The following ZNF276 variants were observed in gnomAD, a reference collection of about 807,000 sequenced individuals.
ZNF276 encodes zinc finger protein 276, also known as centromere protein Z.
A neutral mutation model predicts 63.9 loss-of-function variants in ZNF276; 59 were observed. That is an observed-to-expected ratio of 0.92 (90% CI 0.75 to 1.15). The LOEUF is 1.15. ZNF276 is among the 50% of genes most tolerant of loss of function. ZNF276 has a pLI of 0.00. For synonymous variants in ZNF276, 496 were observed against 348.4 expected, an observed-to-expected ratio of 1.42 and a Z score of -4.72; for missense variants, 1,084 against 843.8, an observed-to-expected ratio of 1.28 and a Z score of -3.53.
chr16:89,739,454 G>C lies in ZNF276; in HGVS notation c.*1208G>C, dbSNP rs2062066444. Reference sequence around the variant, plus strand: ...GGTCTGGGAAACACTGCCCAGCCCTGACCAGCCCTGTGGGTGGAGGTACCT... The same window carrying C: ...GGTCTGGGAAACACTGCCCAGCCCTCACCAGCCCTGTGGGTGGAGGTACCT... On this transcript the variant is annotated 3_prime_UTR_variant, in exon 11 of 11. Coordinates refer to ENST00000443381, the MANE Select transcript of ZNF276 (RefSeq NM_001113525.2). 1 of 1,552,126 alleles carries C rather than the reference G, an allele frequency of 6.4e-7. No homozygotes were observed. Among genetic ancestry groups the C allele is most frequent in the Non-Finnish European group, 8.7e-7 (1 of 1,147,858 alleles).
In ZNF276 at chr16:89,721,740, C is replaced by G; in HGVS notation, c.100C>G (p.Pro34Ala). 7.5e-7 allele frequency: 1 copy of G among 1,336,792 alleles called. No individual in the cohort carries two copies. Among genetic ancestry groups the G allele is most frequent in the South Asian group, 1.8e-5 (1 of 54,724 alleles). The allele number at this position is 1,336,792 out of a possible 1,614,324, so 82.8% of individuals were successfully genotyped here. ...CGGCGTCAGCCGGACTCGGGGCCGC[C>G]CTTCCCTTAGCGGTGGGCCGAGGGT... ...GGGVSRTRGR[P>A]SLSGGPRVDG... is the part of the protein sequence containing the mutation. Residue 34 changes from proline to alanine, a missense_variant, in exon 1 of 11, where the codon CCT becomes GCT. Transcript: ENST00000443381.
chr16:89,738,952 G>A lies in ZNF276; in HGVS notation c.*706G>A, dbSNP rs1235758124. 1 of 1,614,258 alleles carries A rather than the reference G, an allele frequency of 6.2e-7. No homozygotes were observed. Among genetic ancestry groups the A allele is most frequent in the Non-Finnish European group, 8.5e-7 (1 of 1,180,042 alleles). ...CTGCAGCAGAAAAAGACGAGCTTTT[G>A]TTATCAGTTCCACGGGGTTGCCCTA... is the stretch of plus-strand genomic sequence containing the variant. On this transcript the variant is annotated 3_prime_UTR_variant, in exon 11 of 11. Transcript: ENST00000443381.
chr16:89,738,205 G>C lies in ZNF276; in HGVS notation c.1804G>C (p.Val602Leu). The C allele has an allele frequency of 1.2e-6, 2 of 1,611,286 alleles. No individual in the cohort carries two copies. Among genetic ancestry groups the C allele is most frequent in the Non-Finnish European group, 1.7e-6 (2 of 1,179,156 alleles). ...EPPPGPPSPSVTTEGQAVKPE... is the reference protein window; with the variant it reads ...EPPPGPPSPSLTTEGQAVKPE... ...ACCACCTGGGCCACCGAGCCCCTCT[G>C]TGACCACAGAGGGCCAGGCGGTGAA... Residue 602 changes from valine to leucine, a missense_variant, in exon 11 of 11, where the codon GTG becomes CTG. Coordinates refer to ENST00000443381, the MANE Select transcript of ZNF276 (RefSeq NM_001113525.2).
rs1491268061 is a variant in ZNF276, at chr16:89,733,299, CAG to C, written c.1170_1171del. Reference sequence around the variant, plus strand: ...ATTGAATTTGGGAACCTCTTTTTTTCAGAGTCTCTGGTAAGAAGAGTGAAAGC... The same window carrying C: ...ATTGAATTTGGGAACCTCTTTTTTTCAGTCTCTGGTAAGAAGAGTGAAAGC... On this transcript the variant is annotated splice_acceptor_variant, in intron 6 of 10. Transcript: ENST00000443381. LOFTEE classifies it high-confidence loss of function. The C allele has an allele frequency of 8.1e-6, 13 of 1,604,890 alleles. No homozygotes were observed. Among genetic ancestry groups the C allele is most frequent in the African/African-American group, 2.7e-5 (2 of 73,810 alleles).
At chr16:89,734,888 G>A (rs989006010) in intron 9 of ZNF276, among the ~76,000 whole-genome samples, 6 of 152,200 alleles carry the variant, frequency 3.9e-5, no homozygotes, top group African/African-American at 9.7e-5. Flanking sequence ...GCCGGGCGTG[G>A]TGGCTCACAC....
Position 89,738,774 on chromosome 16 carries a change from T to G in ZNF276, c.*528T>G, listed in dbSNP as rs765239590. The G allele has an allele frequency of 3.5e-5, 57 of 1,612,394 alleles. 1 individual carries two copies. The highest frequency in any genetic ancestry group is 1.6e-4 in the Middle Eastern group (1 of 6,084). ...AGGCCTCAGACCACAGGGGAGGGGC[T>G]CTGGCAGAAATAGTCGAGTTGTATT... On this transcript the variant is annotated 3_prime_UTR_variant, in exon 11 of 11. Coordinates refer to ENST00000443381, the MANE Select transcript of ZNF276 (RefSeq NM_001113525.2).
chr16:89,723,020 A>G (rs2061350998), intron 2 of ZNF276, 117 bp from the exon 3 acceptor site: 2 of 1,600,174 alleles, frequency 1.2e-6, no homozygotes, highest in Admixed American at 1.7e-5. Context: ...GGGGTGAGGG[A>G]AGAGAAAGTT....
chr16:89,731,230 C>T (rs1175383285), intron 6 of ZNF276, among the ~76,000 whole-genome samples: 1 of 152,198 alleles, frequency 6.6e-6, no homozygotes, highest in South Asian at 2.1e-4. Context: ...GCAGCCTGTG[C>T]GAAGTCAACA....
chr16:89,739,722 G>A lies in ZNF276; in HGVS notation c.*1476G>A, dbSNP rs1269709107. On this transcript the variant is annotated 3_prime_UTR_variant, in exon 11 of 11. Coordinates refer to ENST00000443381, the MANE Select transcript of ZNF276 (RefSeq NM_001113525.2). ...CCCAGGTACCTGTCAGCAGCTGGGA[G>A]AGGATGGGGGGGTCGACCTCTTGCA... is the stretch of plus-strand genomic sequence containing the variant. 2.1e-5 allele frequency: 31 copies of A among 1,504,186 alleles called. No individual in the cohort carries two copies. Among genetic ancestry groups the A allele is most frequent in the African/African-American group, 4.1e-5 (3 of 72,340 alleles). 93.2% of individuals were successfully genotyped at this position (1,504,186 alleles called of 1,614,324 possible).
rs1283941139 is a variant in ZNF276, at chr16:89,722,585, C to T, written c.260C>T (p.Ser87Phe). 2 of 1,612,308 alleles carry T rather than the reference C, an allele frequency of 1.2e-6. No individual in the cohort carries two copies. Among genetic ancestry groups the T allele is most frequent in the Admixed American group, 1.7e-5 (1 of 60,028 alleles). The change falls in exon 2 of 11, where the codon TCC (serine) becomes TTC (phenylalanine). Residue 87 changes from serine (S) to phenylalanine (F), a missense_variant. By Grantham distance (155) the Ser-to-Phe change is radical (BLOSUM62 -2). Transcript: ENST00000443381. ...GHCRLCHGKF[S>F]SRSLRSISER... ...TGTCGCCTCTGCCACGGGAAGTTTT[C>T]CTCGAGAAGCCTGCGCAGCATCTCC...
chr16:89,737,297 A>G (rs8062319), intron 9 of ZNF276, among the ~76,000 whole-genome samples: 7,181 of 152,234 alleles, frequency 0.047, 412 homozygotes, highest in African/African-American at 0.13. Flanking sequence ...CGAGGCAGGC[A>G]GATCACAAGG....
intron 8 of ZNF276, 26 bp downstream of exon 8, chr16:89,733,583 G>A (rs1161116203): frequency 1.2e-6 from 2 of 1,612,774 alleles, no homozygotes; most frequent in Non-Finnish European, 1.7e-6. Flanking sequence ...GCCTGACCCA[G>A]GCCCGGCAGC....
chr16:89,726,128 G>A (rs1046228749), intron 4 of ZNF276, among the ~76,000 whole-genome samples: 1 of 152,180 alleles, frequency 6.6e-6, no homozygotes, highest in African/African-American at 2.4e-5. Context: ...TGATTCTCCT[G>A]TCTCAGCCTC....
At chr16:89,722,419 G>C in intron 1 of ZNF276, 112 bp from the exon 2 acceptor site, 1 of 1,288,830 alleles carries the variant, frequency 7.8e-7, no homozygotes, top group Non-Finnish European at 1.1e-6. Context: ...TGCTGTGTCC[G>C]GGAGCCGCGC....
In ZNF276 at chr16:89,738,137, T is replaced by A. The variant is rs755648038; in HGVS notation, c.1736T>A (p.Leu579Gln). 6.2e-7 allele frequency: 1 copy of A among 1,613,640 alleles called. No individual in the cohort carries two copies. Among genetic ancestry groups the A allele is most frequent in the South Asian group, 1.1e-5 (1 of 91,072 alleles). The change falls in exon 11 of 11, where the codon CTG becomes CAG. Residue 579 changes from leucine (L) to glutamine (Q), a missense_variant. Leu to Gln is a moderately radical substitution (Grantham distance 113, BLOSUM62 -2). Transcript: ENST00000443381. ...LNVHMSMVHP[L>Q]TQTQDKALPL... Reference sequence around the variant, plus strand: ...GTACACATGTCCATGGTGCACCCGCTGACACAGACCCAGGACAAGGCCCTG... The same window carrying A: ...GTACACATGTCCATGGTGCACCCGCAGACACAGACCCAGGACAAGGCCCTG...
chr16:89,733,664 T>C (rs2061749872), intron 8 of ZNF276, 107 bp downstream of exon 8: 2 of 1,319,250 alleles, frequency 1.5e-6, no homozygotes, highest in Non-Finnish European at 2.2e-6. Flanking sequence ...CAAGGACACT[T>C]TGACCTAGGT....
At position 89,733,351 on chromosome 16, in the gene ZNF276, C is replaced by A; in HGVS notation, c.1219C>A (p.Pro407Thr). 6.2e-7 allele frequency: 1 copy of A among 1,614,118 alleles called. No homozygotes were observed. Among genetic ancestry groups the A allele is most frequent in the Non-Finnish European group, 8.5e-7 (1 of 1,180,030 alleles). Residue 407 changes from proline (P) to threonine (T), a missense_variant, in exon 7 of 11, where the codon CCA becomes ACA. Physicochemically the swap from Pro to Thr is conservative, Grantham distance 38. Transcript: ENST00000443381. ...ESKEAKKSEE[P>T]RIRKKPGPKP... ...CAAAGAAGCCAAGAAGTCTGAAGAA[C>A]CAAGAATTCGGAAGAAGCCGGGACC...
chr16:89,724,685 C>T (rs560480782), intron 4 of ZNF276, among the ~76,000 whole-genome samples: 4 of 152,106 alleles, frequency 2.6e-5, no homozygotes, highest in African/African-American at 7.2e-5. Context: ...TAGCTAGATA[C>T]GGGTGCACAG....
upstream of ZNF276, chr16:89,720,432 A>C: frequency 9.6e-7 from 1 of 1,041,772 alleles, no homozygotes; most frequent in Non-Finnish European, 1.2e-6. Context: ...AAAATGCACG[A>C]ACGCACGGAC....
Sources: allele counts gnomAD v4.1 joint callset (sites outside exome capture counted in the v4.1 genomes callset), GRCh38; gene constraint gnomAD v4.1.1; transcripts MANE v1.5; gene names NCBI Gene and HGNC (gene_info 2026-07-23, HGNC 2026-07-21).